Variants in FAM53A observed in about 807,000 individuals in gnomAD.
FAM53A encodes protein FAM53A.
FAM53A carries 28 observed loss-of-function variants against 26.6 expected under a neutral mutation model. The observed-to-expected ratio is 1.05, with a 90% confidence interval of 0.78 to 1.45. The LOEUF is 1.45. FAM53A is among the 40% of genes most tolerant of loss of function. FAM53A has a pLI of 0.00. For synonymous variants in FAM53A, 290 were observed against 253.1 expected (o/e 1.15, Z -1.38); for missense variants, 650 against 575.8 (o/e 1.13, Z -1.32).
rs1199419418 is a variant in FAM53A at position 1,655,050 on chromosome 4, G to C, written c.810C>G (p.Ser270Arg). ...CCTCCTCACGCCTCCGTTTGCGCCG[G>C]CTCCTCTTCCCACTGAGCACGCAAG... ...SQPCVLSGKRSRRKRRREEDA... is the reference protein window; with the variant it reads ...SQPCVLSGKRRRRKRRREEDA... Residue 270 changes from serine (S) to arginine (R), a missense_variant, in exon 4 of 5, where the codon AGC becomes AGG. By Grantham distance (110) the Ser-to-Arg change is moderately radical (BLOSUM62 -1). Coordinates refer to ENST00000308132, the MANE Select transcript of FAM53A (RefSeq NM_001174070.3). The C allele has an allele frequency of 5.7e-6, 9 of 1,589,986 alleles. No homozygotes were observed. The African/African-American group carries it at 1.1e-4, about 19-fold the overall frequency.
At chr4:1,680,101 A>C (rs1577161855) in intron 1 of FAM53A, among the ~76,000 whole-genome samples, 1 of 151,058 alleles carries the variant, frequency 6.6e-6, no homozygotes, top group Non-Finnish European at 1.5e-5. Context: ...CAGGTGGATC[A>C]CCTGAGGTCA....
intron 2 of FAM53A, among the ~76,000 whole-genome samples, chr4:1,664,849 G>A (rs368450615): frequency 6.6e-6 from 1 of 151,908 alleles, no homozygotes; most frequent in South Asian, 2.1e-4. Context: ...TTGGTGGCAT[G>A]TGCCTGTAAT....
At chr4:1,634,227 C>T (rs1459070534) in intron 1 of FAM53A, among the ~76,000 whole-genome samples, 2 of 152,176 alleles carry the variant, frequency 1.3e-5, no homozygotes, top group Non-Finnish European at 2.9e-5. Flanking sequence ...TTCGTGCAAA[C>T]AGGACTCCCC....
chr4:1,586,790 A>AAG, the FAM53A span, among the ~76,000 whole-genome samples: 1 of 151,072 alleles, frequency 6.6e-6, no homozygotes, highest in East Asian at 1.9e-4. Context: ...CTCAAAAAAA[A>AAG]AAAAAAAAGA....
intron 1 of FAM53A, among the ~76,000 whole-genome samples, chr4:1,634,060 A>G (rs555587662): frequency 6.6e-6 from 1 of 152,250 alleles, no homozygotes; most frequent in Non-Finnish European, 1.5e-5. Context: ...GCTCTCTGGC[A>G]GTGAGTAGCA....
chr4:1,661,294 C>A (rs1030737912), intron 2 of FAM53A, among the ~76,000 whole-genome samples: 2 of 152,190 alleles, frequency 1.3e-5, no homozygotes, highest in Non-Finnish European at 2.9e-5. Flanking sequence ...GCTCATCACC[C>A]ACCTTCCAGC....
intron 4 of FAM53A, among the ~76,000 whole-genome samples, chr4:1,653,719 G>A (rs1019105858): frequency 5.3e-5 from 8 of 152,328 alleles, no homozygotes; most frequent in Admixed American, 1.3e-4. Flanking sequence ...CAAGCCCCCC[G>A]GAAGAATCAA....
intron 1 of FAM53A, among the ~76,000 whole-genome samples, chr4:1,672,240 C>T (rs1044321576): frequency 9.3e-5 from 14 of 149,968 alleles, no homozygotes; most frequent in African/African-American, 2.2e-4. Flanking sequence ...AACCCAGGAA[C>T]GCACGGACCC....
intron 1 of FAM53A, among the ~76,000 whole-genome samples, chr4:1,676,491 C>T (rs1353391424): frequency 2.6e-5 from 4 of 152,148 alleles, no homozygotes; most frequent in African/African-American, 9.7e-5. Flanking sequence ...CCGGACCTCA[C>T]TCAACCCCTA....
the FAM53A span, among the ~76,000 whole-genome samples, chr4:1,604,985 A>G: frequency 1.3e-5 from 2 of 151,896 alleles, no homozygotes; most frequent in Non-Finnish European, 2.9e-5. Flanking sequence ...CCTGCTTGGC[A>G]GGAACCTGCC....
At chr4:1,605,843 G>T in the FAM53A span, among the ~76,000 whole-genome samples, 2 of 152,200 alleles carry the variant, frequency 1.3e-5, no homozygotes, top group East Asian at 3.9e-4. This position sits in a 1 kb window ranked among gnomAD's most constrained non-coding sequence, Gnocchi z 5.7. Flanking sequence ...TCATGCTCCC[G>T]GCCCAGGCTT....
intron 1 of FAM53A, among the ~76,000 whole-genome samples, chr4:1,626,895 G>A (rs1300635208): frequency 6.6e-6 from 1 of 152,176 alleles, no homozygotes; most frequent in African/African-American, 2.4e-5. Context: ...TCTGTGGCCT[G>A]TATGTGGGGA....
the FAM53A span, among the ~76,000 whole-genome samples, chr4:1,605,389 C>T: frequency 8.6e-5 from 13 of 152,016 alleles, no homozygotes; most frequent in African/African-American, 2.4e-4. The surrounding 1 kb of genome is among the most constrained non-coding windows in gnomAD (Gnocchi z 5.7). Flanking sequence ...ACAGCCGTGC[C>T]GGTGACCCAG....
intron 4 of FAM53A, among the ~76,000 whole-genome samples, chr4:1,653,998 G>A (rs1227269281): frequency 6.6e-6 from 1 of 152,208 alleles, no homozygotes; most frequent in Non-Finnish European, 1.5e-5. Context: ...AGCCCCCAGA[G>A]GCAGGGCATG....
At chr4:1,625,110 TC>T (rs1715228447) in intron 1 of FAM53A, among the ~76,000 whole-genome samples, 1 of 81,614 alleles carries the variant, frequency 1.2e-5, no homozygotes, top group African/African-American at 7.4e-5. Flanking sequence ...AGCCCCCACG[TC>T]CCGACCCACG....
upstream of FAM53A, among the ~76,000 whole-genome samples, chr4:1,685,670 G>A (rs1422502457): frequency 6.6e-6 from 1 of 152,076 alleles, no homozygotes. Flanking sequence ...AAGAGTGGGA[G>A]TCCCAGCGGG....
In FAM53A at chr4:1,644,763, G is replaced by A. The variant is rs755626391; in HGVS notation, c.883-3156C>T. The A allele has an allele frequency of 2.9e-4, 47 of 159,480 alleles. 1 individual carries two copies. The highest frequency in any genetic ancestry group is 5.5e-4 in the Non-Finnish European group (40 of 72,386). 9.9% of individuals were successfully genotyped at this position (159,480 alleles called of 1,614,324 possible). ...GCGAAGCCCTCCAGGCAGTCTGGGGGGTGCACGGACCCCAGCTGACAGCTG... is the reference window on the plus strand; with the variant it reads ...GCGAAGCCCTCCAGGCAGTCTGGGGAGTGCACGGACCCCAGCTGACAGCTG... On this transcript the variant is annotated intron_variant, in intron 4 of 4. Transcript: ENST00000308132.
chr4:1,663,661 AT>A (rs1466740325), intron 2 of FAM53A, among the ~76,000 whole-genome samples: 3 of 152,098 alleles, frequency 2.0e-5, no homozygotes, highest in Non-Finnish European at 4.4e-5. Flanking sequence ...GAGAAACAGC[AT>A]TATGTGGGTT....
chr4:1,656,680 G>C (rs1261317609), intron 3 of FAM53A, among the ~76,000 whole-genome samples: 2 of 152,148 alleles, frequency 1.3e-5, no homozygotes, highest in Non-Finnish European at 2.9e-5. Flanking sequence ...AGGGGGTGGG[G>C]CTCTGGCCAG....
Sources: allele counts gnomAD v4.1 joint callset (sites outside exome capture counted in the v4.1 genomes callset), GRCh38; gene constraint gnomAD v4.1.1; non-coding constraint Gnocchi (gnomAD v3.1); transcripts MANE v1.5; gene names NCBI Gene and HGNC (gene_info 2026-07-23, HGNC 2026-07-21).